EPB41L3: variants seen among roughly 807,000 people sequenced by gnomAD.
EPB41L3 encodes erythrocyte membrane protein band 4.1 like 3.
EPB41L3 carries 57 observed loss-of-function variants against 127.1 expected under a neutral mutation model. The observed-to-expected ratio is 0.45, with a 90% CI of 0.36 to 0.56. The LOEUF (loss-of-function observed/expected upper bound fraction) is 0.56, where lower values mean the gene tolerates loss of function less well. EPB41L3 is among the 20% of genes least tolerant of loss of function. EPB41L3 has a pLI of 0.00. For missense variants in EPB41L3, 1,273 were observed against 1,372.2 expected, an observed-to-expected ratio of 0.93 and a Z score of 1.14; for synonymous variants, 572 against 549.5, an observed-to-expected ratio of 1.04 and a Z score of -0.57.
At chr18:5,468,459 C>T (rs1043363352) in intron 3 of EPB41L3, among the ~76,000 whole-genome samples, 1 of 152,194 alleles carries the variant, frequency 6.6e-6, no homozygotes, top group Non-Finnish European at 1.5e-5. Context: ...CACGTACTTC[C>T]TCCCTTCTGA....
chr18:5,617,480 G>T (rs548355010), intron 1 of EPB41L3, among the ~76,000 whole-genome samples: 1 of 151,978 alleles, frequency 6.6e-6, no homozygotes. Flanking sequence ...CACCACACCC[G>T]GCTAATTTTT....
At chr18:5,443,916 G>C (rs189442271) in intron 4 of EPB41L3, 36 bp from the exon 5 acceptor site, 1 of 1,571,152 alleles carries the variant, frequency 6.4e-7, no homozygotes, top group Non-Finnish European at 8.7e-7. Flanking sequence ...TTGAATCAGA[G>C]GAGAATAAAA....
At chr18:5,607,769 C>T (rs1454197788) in intron 3 of EPB41L3, among the ~76,000 whole-genome samples, 1 of 152,084 alleles carries the variant, frequency 6.6e-6, no homozygotes, top group East Asian at 1.9e-4. Context: ...CCCCCTGTTC[C>T]CCAACCTTGC....
At chr18:5,541,039 C>T (rs1211392157) in intron 1 of EPB41L3, among the ~76,000 whole-genome samples, 3 of 145,336 alleles carry the variant, frequency 2.1e-5, no homozygotes, top group Admixed American at 6.9e-5. Context: ...GAGCCGAGAT[C>T]GCACCACTGC....
At chr18:5,486,316 C>T (rs1019329938) in intron 2 of EPB41L3, among the ~76,000 whole-genome samples, 1 of 151,736 alleles carries the variant, frequency 6.6e-6, no homozygotes, top group Non-Finnish European at 1.5e-5. Flanking sequence ...TATTTCTCAC[C>T]ATCCACAGAA....
At chr18:5,594,286 C>T (rs2094516038) in intron 3 of EPB41L3, among the ~76,000 whole-genome samples, 1 of 152,162 alleles carries the variant, frequency 6.6e-6, no homozygotes, top group Non-Finnish European at 1.5e-5. Flanking sequence ...CATTCGGGGT[C>T]CCTGACTTCC....
chr18:5,393,536 G>T (rs562338246), intron 22 of EPB41L3, 58 bp from the exon 23 acceptor site: 3 of 694,936 alleles, frequency 4.3e-6, no homozygotes, highest in African/African-American at 3.5e-5. Context: ...GATTTTCTCA[G>T]ATCAAGGACA....
chr18:5,474,507 A>G (rs932512980), intron 3 of EPB41L3, among the ~76,000 whole-genome samples: 6 of 152,172 alleles, frequency 3.9e-5, no homozygotes, highest in Admixed American at 2.6e-4. Context: ...AGTCTTTTAC[A>G]GGTGACTATA....
At chr18:5,630,434 G>T, upstream of EPB41L3, 1 of 518,968 alleles carries the variant, frequency 1.9e-6, no homozygotes. Flanking sequence ...CAGCCCGCAG[G>T]CACAACCTTC....
chr18:5,454,924 C>T (rs1464027609), intron 3 of EPB41L3, among the ~76,000 whole-genome samples: 1 of 152,214 alleles, frequency 6.6e-6, no homozygotes, highest in Non-Finnish European at 1.5e-5. Context: ...AGTTTGTCTT[C>T]CCATTATTCA....
intron 8 of EPB41L3, 47 bp from the exon 9 acceptor site, chr18:5,428,512 C>T: frequency 6.2e-7 from 1 of 1,602,452 alleles, no homozygotes; most frequent in Non-Finnish European, 8.5e-7. Context: ...TAACTTATTT[C>T]CATTTTCTGC....
intron 1 of EPB41L3, among the ~76,000 whole-genome samples, chr18:5,541,864 G>A (rs1251731146): frequency 6.6e-6 from 1 of 152,150 alleles, no homozygotes; most frequent in Non-Finnish European, 1.5e-5. Flanking sequence ...TCTTGTTATG[G>A]ATGAATTATT....
intron 3 of EPB41L3, among the ~76,000 whole-genome samples, chr18:5,566,769 A>G (rs1254009588): frequency 6.9e-6 from 1 of 144,840 alleles, no homozygotes; most frequent in Admixed American, 7.2e-5. Context: ...ATTCTATTCT[A>G]TTCTATTCTA....
intron 1 of EPB41L3, among the ~76,000 whole-genome samples, chr18:5,518,835 T>C (rs2092864033): frequency 6.6e-6 from 1 of 152,070 alleles, no homozygotes; most frequent in Non-Finnish European, 1.5e-5. Flanking sequence ...GCAATGAACA[T>C]CCTTTTACAT....
chr18:5,539,030 G>A (rs903203029), intron 1 of EPB41L3, among the ~76,000 whole-genome samples: 2 of 137,096 alleles, frequency 1.5e-5, no homozygotes, highest in East Asian at 2.1e-4. Flanking sequence ...GTAGTAAAGC[G>A]TAAGTTACAA....
intron 3 of EPB41L3, among the ~76,000 whole-genome samples, chr18:5,465,063 A>G (rs2084711565): frequency 6.6e-6 from 1 of 152,222 alleles, no homozygotes; most frequent in African/African-American, 2.4e-5. Context: ...TTAAACACCT[A>G]CTGATTTCTG....
chr18:5,419,291 C>T (rs992219746), intron 12 of EPB41L3, among the ~76,000 whole-genome samples: 4 of 152,148 alleles, frequency 2.6e-5, no homozygotes, highest in African/African-American at 9.7e-5. Context: ...CATGTACTTA[C>T]AGTCAGAAGA....
At chr18:5,552,493 A>G (rs1388887348) in intron 3 of EPB41L3, among the ~76,000 whole-genome samples, 2 of 152,230 alleles carry the variant, frequency 1.3e-5, no homozygotes, top group African/African-American at 2.4e-5. Flanking sequence ...TTGATGAAAC[A>G]GATAAAAATA....
Position 5,579,943 on chromosome 18 carries a change from T to C in EPB41L3, c.-306+32397A>G, listed in dbSNP as rs547574010. Among the ~76,000 whole-genome samples, 3 of 152,318 alleles carry C rather than the reference T, an allele frequency of 2.0e-5. No homozygotes were observed. In the South Asian group the frequency reaches 6.2e-4, roughly 32 times the overall value. On this transcript the variant is annotated intron_variant, in intron 3 of 21. Coordinates refer to the EPB41L3 transcript ENST00000545076. ...TGGTTGCTTATAAGCCAGAGTTTTA[T>C]CAACATTTTAAAATATGACCCTCAG... is the stretch of plus-strand genomic sequence containing the variant.
Sources: allele counts gnomAD v4.1 joint callset (sites outside exome capture counted in the v4.1 genomes callset), GRCh38; gene constraint gnomAD v4.1.1; transcripts MANE v1.5; gene names NCBI Gene and HGNC (gene_info 2026-07-23, HGNC 2026-07-21).